USP11: variants seen among roughly 807,000 people sequenced by gnomAD.
USP11 encodes ubiquitin carboxyl-terminal hydrolase 11.
A neutral mutation model predicts 72.8 loss-of-function variants in USP11; 5 were observed. The ratio of observed to expected loss-of-function variants is 0.07; its 90% CI spans 0.04 to 0.14. The LOEUF (loss-of-function observed/expected upper bound fraction) is 0.14, where lower values mean the gene tolerates loss of function less well. Among genes scored for constraint, USP11 ranks in the 10% least tolerant of loss-of-function variants. The pLI is 1.00. For missense variants in USP11, 480 were observed against 794.7 expected (o/e 0.60, Z 4.76); for synonymous variants, 368 against 326.5 (o/e 1.13, Z -1.37).
Position 47,242,671 on chromosome X carries a change from C to G in USP11, c.1534C>G (p.Gln512Glu). The G allele has an allele frequency of 1.7e-6, 2 of 1,211,280 alleles. No individual in the cohort carries two copies. The highest frequency in any genetic ancestry group is 2.2e-6 in the Non-Finnish European group (2 of 894,814). The stretch of plus-strand genomic sequence containing the variant: ...CAGTCACCGCTTCTATAAGCTCTAT[C>G]AGCTAGAGGAGCCTCTGAGCAGCAT... Reference protein sequence around the residue: ...VFSHRFYKLYQLEEPLSSILD... With the variant: ...VFSHRFYKLYELEEPLSSILD... The change falls in exon 12 of 21, where the codon CAG (glutamine) becomes GAG (glutamate). Residue 512 changes from glutamine to glutamate, a missense_variant. Physicochemically the swap from Gln to Glu is conservative, Grantham distance 29. This residue lies in a region of USP11 where 314 missense variants were observed against 556.0 expected (regional missense o/e 0.56). Coordinates refer to ENST00000377107, the MANE Select transcript of USP11 (RefSeq NM_001371072.1).
In USP11 at chrX:47,242,252, G is replaced by A. The variant is rs1168619062; in HGVS notation, c.1350G>A (p.Lys450=). 1 of 1,210,740 alleles carries A rather than the reference G, an allele frequency of 8.3e-7. No homozygotes were observed. The highest frequency in any genetic ancestry group is 1.1e-6 in the Non-Finnish European group (1 of 895,396). ...YLSVPLPISH[K]RVLEVFFIPM... is the part of the protein sequence containing the mutation. ...GTGTTCCACTGCCTATCAGCCACAAGAGGGTCTTGGAGGTCTTCTTTATCC... is the reference window on the plus strand; with the variant it reads ...GTGTTCCACTGCCTATCAGCCACAAAAGGGTCTTGGAGGTCTTCTTTATCC... Residue 450 remains lysine (K), a synonymous_variant, in exon 10 of 21, where the codon AAG becomes AAA. Transcript: ENST00000377107.
At chrX:47,237,255 G>A (rs1187329422) in intron 1 of USP11, among the ~76,000 whole-genome samples, 1 of 111,520 alleles carries the variant, frequency 9.0e-6, no homozygotes, top group Non-Finnish European at 1.9e-5. Flanking sequence ...ATGGTGGTGT[G>A]TGGGGTGCAG....
At chrX:47,242,055 C>T (rs1216857567) in intron 9 of USP11, 27 bp from the exon 10 acceptor site, 1 of 1,196,560 alleles carries the variant, frequency 8.4e-7, no homozygotes, top group African/African-American at 1.8e-5. Flanking sequence ...GGGCAAGCCC[C>T]ACCACCCACC....
Position 47,241,645 on chromosome X carries a change from G to T in USP11, c.1125G>T (p.Arg375=), listed in dbSNP as rs1347484284. ...ACGGGCTGCATGAGGACCTTAATCG[G>T]GTGAAGAAGAAGGAGTATGTGGAGC... ...LLDGLHEDLN[R]VKKKEYVELC... is the part of the protein sequence containing the mutation. Residue 375 remains arginine (R), a synonymous_variant, in exon 9 of 21, where the codon CGG becomes CGT. Transcript: ENST00000377107. 3.3e-6 allele frequency: 4 copies of T among 1,210,648 alleles called. No individual in the cohort carries two copies. The highest frequency in any genetic ancestry group is 4.5e-6 in the Non-Finnish European group (4 of 895,038).
chrX:47,246,035 T>C, intron 17 of USP11, among the ~76,000 whole-genome samples: 1 of 111,451 alleles, frequency 9.0e-6, no homozygotes, highest in African/African-American at 3.3e-5. Context: ...TCCGATCAAA[T>C]GTGACCTCAT....
At chrX:47,241,506 C>T (rs771847398) in intron 8 of USP11, 35 bp from the exon 9 acceptor site, 1 of 1,186,685 alleles carries the variant, frequency 8.4e-7, no homozygotes, top group East Asian at 3.0e-5. Context: ...TCTCCTAACT[C>T]CCTCTCTCTC....
chrX:47,245,096 A>G lies in USP11; in HGVS notation c.2157+10A>G. The G allele has an allele frequency of 2.5e-6, 3 of 1,208,423 alleles. No individual in the cohort carries two copies. Among genetic ancestry groups the G allele is most frequent in the Non-Finnish European group, 3.4e-6 (3 of 893,495 alleles). ...CGAGGTAGAGGCTGAGGTAAATGAG[A>G]TCCCAGGGATGGGGGGTACTTCCAG... On this transcript the variant is annotated intron_variant, in intron 16 of 20. Coordinates refer to ENST00000377107, the MANE Select transcript of USP11 (RefSeq NM_001371072.1).
In USP11 at chrX:47,245,097, TC is replaced by T; in HGVS notation, c.2157+14del. 8.3e-7 allele frequency: 1 copy of T among 1,208,344 alleles called. No homozygotes were observed. The highest frequency in any genetic ancestry group is 1.1e-6 in the Non-Finnish European group (1 of 893,420). On this transcript the variant is annotated intron_variant, in intron 16 of 20. Coordinates refer to ENST00000377107, the MANE Select transcript of USP11 (RefSeq NM_001371072.1). Reference sequence around the variant, plus strand: ...GAGGTAGAGGCTGAGGTAAATGAGATCCCAGGGATGGGGGGTACTTCCAGCT... The same window carrying T: ...GAGGTAGAGGCTGAGGTAAATGAGATCCAGGGATGGGGGGTACTTCCAGCT...
In USP11 at chrX:47,239,154, C is replaced by T. The variant is rs1356258752; in HGVS notation, c.261C>T (p.Cys87=). 1.7e-6 allele frequency: 2 copies of T among 1,206,951 alleles called. No individual in the cohort carries two copies. The highest frequency in any genetic ancestry group is 2.2e-6 in the Non-Finnish European group (2 of 893,789). ...AGGACTCCAGCACCTTCCCTGGCTG[C>T]ATCAACAATGCCACACTCTTTCAAG... ...GDQDSSTFPG[C]INNATLFQDE... is the part of the protein sequence containing the mutation. Residue 87 remains cysteine (C), a synonymous_variant, in exon 2 of 21, where the codon TGC becomes TGT. Transcript: ENST00000377107.
At chrX:47,241,078 T>C in intron 7 of USP11, 199 bp from the exon 8 acceptor site, 1 of 561,577 alleles carries the variant, frequency 1.8e-6, no homozygotes, top group Non-Finnish European at 2.8e-6. Context: ...ATTTTCCCTC[T>C]TCTCTTCCCT....
chrX:47,242,059 A>G (rs1321506561), intron 9 of USP11, 23 bp from the exon 10 acceptor site: 1 of 1,200,387 alleles, frequency 8.3e-7, no homozygotes, highest in Admixed American at 2.2e-5. Context: ...AAGCCCCACC[A>G]CCCACCATGA....
intron 16 of USP11, 105 bp downstream of exon 16, chrX:47,245,191 A>C (rs762123863): frequency 1.7e-5 from 18 of 1,064,849 alleles, no homozygotes; most frequent in Non-Finnish European, 2.3e-5. Flanking sequence ...CAAGAGATCC[A>C]GGTCAAGCTT....
intron 19 of USP11, 92 bp from the exon 20 acceptor site, chrX:47,247,519 A>G: frequency 8.6e-7 from 1 of 1,157,203 alleles, no homozygotes. Flanking sequence ...GCCAGTGGTG[A>G]GGTTATCGTG....
rs755827755 is a variant in USP11 at position 47,241,522 on chromosome X, A to G, written c.1021-19A>G. On this transcript the variant is annotated intron_variant, in intron 8 of 20. Coordinates refer to ENST00000377107, the MANE Select transcript of USP11 (RefSeq NM_001371072.1). ...CTCCTAACTCCCTCTCTCTCTGATG[A>G]CCCTGCCCATCTTCTTAGAACAAGG... 2.5e-6 allele frequency: 3 copies of G among 1,190,585 alleles called. No homozygotes were observed. The East Asian group carries it at 9.0e-5, about 36-fold the overall frequency.
chrX:47,233,123 C>T lies in USP11; in HGVS notation c.80C>T (p.Pro27Leu), dbSNP rs1469137375. The change falls in exon 1 of 21, where the codon CCA becomes CTA. Residue 27 changes from proline to leucine, a missense_variant. By Grantham distance (98) the Pro-to-Leu change is moderately conservative. Coordinates refer to ENST00000377107, the MANE Select transcript of USP11 (RefSeq NM_001371072.1). The part of the protein sequence containing the change: ...AAAAVTEDRE[P>L]QHEELPGLDS... ...GCGGCGGTGACTGAGGATAGAGAGC[C>T]ACAGCACGAGGAGCTGCCAGGCCTG... is the stretch of plus-strand genomic sequence containing the variant. 1.7e-6 allele frequency: 2 copies of T among 1,199,571 alleles called. No individual in the cohort carries two copies. Among genetic ancestry groups the T allele is most frequent in the African/African-American group, 3.5e-5 (2 of 57,605 alleles).
Position 47,243,488 on chromosome X carries a change from A to G in USP11, c.1676A>G (p.Asp559Gly). 8.3e-7 allele frequency: 1 copy of G among 1,211,605 alleles called. No individual in the cohort carries two copies. Among genetic ancestry groups the G allele is most frequent in the Non-Finnish European group, 1.1e-6 (1 of 895,468 alleles). ...CTGCGGGAGCGCACCCCTGCCCGTGACTACAACAACTCCTACTACGGCCTG... is the reference window on the plus strand; with the variant it reads ...CTGCGGGAGCGCACCCCTGCCCGTGGCTACAACAACTCCTACTACGGCCTG... ...VYLRERTPAR[D>G]YNNSYYGLML... is the part of the protein sequence containing the mutation. The change falls in exon 13 of 21, where the codon GAC becomes GGC. Residue 559 changes from aspartate to glycine, a missense_variant. Coordinates refer to ENST00000377107, the MANE Select transcript of USP11 (RefSeq NM_001371072.1).
At chrX:47,234,182 G>A (rs1339424227) in intron 1 of USP11, among the ~76,000 whole-genome samples, 1 of 110,801 alleles carries the variant, frequency 9.0e-6, no homozygotes, top group Non-Finnish European at 1.9e-5. Flanking sequence ...CAGATTGACG[G>A]ACATCCTGTT....
intron 12 of USP11, 76 bp downstream of exon 12, chrX:47,242,796 C>T: frequency 2.5e-6 from 2 of 786,783 alleles, no homozygotes. Flanking sequence ...CTGCCTTAAC[C>T]ACCTTCTCTC....
Position 47,239,770 on chromosome X carries a change from G to A in USP11, c.418-20G>A. 3 of 1,197,553 alleles carry A rather than the reference G, an allele frequency of 2.5e-6. No homozygotes were observed. The South Asian group carries it at 5.3e-5, about 21-fold the overall frequency. ...TGTCTGTGTGAGTACACCTGTGTCTGCACCCCTCTACTCTTACAGGTCATA... is the reference window on the plus strand; with the variant it reads ...TGTCTGTGTGAGTACACCTGTGTCTACACCCCTCTACTCTTACAGGTCATA... On this transcript the variant is annotated intron_variant, in intron 3 of 20. Coordinates refer to ENST00000377107, the MANE Select transcript of USP11 (RefSeq NM_001371072.1).
Sources: allele counts gnomAD v4.1 joint callset (sites outside exome capture counted in the v4.1 genomes callset), GRCh38; gene constraint gnomAD v4.1.1; regional missense constraint gnomAD v4.1.1; transcripts MANE v1.5; gene names NCBI Gene and HGNC (gene_info 2026-07-23, HGNC 2026-07-21).